EIF4EBP1: variants seen among roughly 807,000 people sequenced by gnomAD.
EIF4EBP1 encodes the protein eukaryotic translation initiation factor 4E binding protein 1.
In EIF4EBP1, 5 loss-of-function variants were observed where a neutral mutation model predicts 9.2. That is an observed-to-expected ratio of 0.54 (90% CI 0.28 to 1.14). EIF4EBP1 has a LOEUF of 1.14. EIF4EBP1 is among the 50% of genes most tolerant of loss of function. The pLI is 0.09. For missense variants in EIF4EBP1, 139 were observed against 169.6 expected, an observed-to-expected ratio of 0.82 and a Z score of 1.00; for synonymous variants, 62 against 67.0, an observed-to-expected ratio of 0.93 and a Z score of 0.36.
intron 1 of EIF4EBP1, among the ~76,000 whole-genome samples, chr8:38,053,540 G>A (rs934655487): frequency 6.6e-6 from 1 of 152,024 alleles, no homozygotes; most frequent in East Asian, 1.9e-4. Flanking sequence ...TGGTAGAGAC[G>A]GGGTTTCACC....
intron 2 of EIF4EBP1, among the ~76,000 whole-genome samples, chr8:38,058,219 G>A (rs186128498): frequency 2.0e-5 from 3 of 152,290 alleles, no homozygotes; most frequent in Admixed American, 2.0e-4. Context: ...AAGAAAAATG[G>A]TTTATTTCTT....
At chr8:38,046,967 C>T (rs1809456130) in intron 1 of EIF4EBP1, among the ~76,000 whole-genome samples, 1 of 152,152 alleles carries the variant, frequency 6.6e-6, no homozygotes, top group Non-Finnish European at 1.5e-5. Context: ...TGCTGGGAGG[C>T]AGGGTTCTGG....
intron 2 of EIF4EBP1, 66 bp downstream of exon 2, chr8:38,057,326 T>A (rs1334397828): frequency 6.6e-7 from 1 of 1,509,096 alleles, no homozygotes; most frequent in Non-Finnish European, 8.9e-7. Context: ...CTGGAGTCCA[T>A]CCACTGGGGG....
rs577960229 is a variant in EIF4EBP1 at position 38,033,623 on chromosome 8, T to C, written c.145+2905T>C. ...ACTGTCAGCTTCTCAGGAAAAACCA[T>C]TGGAGTAAGTACCCCCCAGTCACTC... On this transcript the variant is annotated intron_variant, in intron 1 of 2. Transcript: ENST00000338825. 5.6e-4 allele frequency among the ~76,000 whole-genome samples: 85 copies of C among 152,114 alleles called. 1 individual carries two copies. Among genetic ancestry groups the C allele is most frequent in the South Asian group, 2.1e-3 (10 of 4,806 alleles).
At position 38,060,043 on chromosome 8, in the gene EIF4EBP1, C is replaced by A; in HGVS notation, c.*108C>A. On this transcript the variant is annotated 3_prime_UTR_variant, in exon 3 of 3. Coordinates refer to ENST00000338825, the MANE Select transcript of EIF4EBP1 (RefSeq NM_004095.4). ...AGTGATCATACTGGGCAGGCGTTGG[C>A]GTGGGGTCGGACACCCCAGCCCTTT... is the stretch of plus-strand genomic sequence containing the variant. 4.7e-6 allele frequency: 5 copies of A among 1,065,380 alleles called. No individual in the cohort carries two copies. The highest frequency in any genetic ancestry group is 6.8e-6 in the Non-Finnish European group (5 of 732,922). 66.0% of individuals were successfully genotyped at this position (1,065,380 alleles called of 1,614,324 possible).
chr8:38,046,672 A>G (rs1238416739), intron 1 of EIF4EBP1, among the ~76,000 whole-genome samples: 1 of 152,206 alleles, frequency 6.6e-6, no homozygotes, highest in Non-Finnish European at 1.5e-5. Flanking sequence ...AATCCTATGA[A>G]GTTGGCACTA....
chr8:38,059,822 T>A, intron 2 of EIF4EBP1, 82 bp from the exon 3 acceptor site: 6 of 1,279,122 alleles, frequency 4.7e-6, no homozygotes, highest in Admixed American at 1.9e-5. Context: ...CTCAGGTATT[T>A]CTTTATAGCA....
At position 38,038,375 on chromosome 8, in the gene EIF4EBP1, G is replaced by A. The variant is rs969893844; in HGVS notation, c.145+7657G>A. 5.3e-5 allele frequency among the ~76,000 whole-genome samples: 8 copies of A among 151,068 alleles called. No homozygotes were observed. In the South Asian group the frequency reaches 6.3e-4, roughly 12 times the overall value. ...TACAAAAAATTAGCCAGGTGTGGTGGCACACACCTGTACTCCCAGCTACTC... is the reference window on the plus strand; with the variant it reads ...TACAAAAAATTAGCCAGGTGTGGTGACACACACCTGTACTCCCAGCTACTC... On this transcript the variant is annotated intron_variant, in intron 1 of 2. Coordinates refer to ENST00000338825, the MANE Select transcript of EIF4EBP1 (RefSeq NM_004095.4).
intron 1 of EIF4EBP1, among the ~76,000 whole-genome samples, chr8:38,032,214 G>A (rs185354219): frequency 8.6e-4 from 122 of 142,678 alleles, no homozygotes; most frequent in Admixed American, 3.1e-3. Flanking sequence ...CCAGGATACT[G>A]TTTATAGGCA....
At chr8:38,055,456 C>T (rs1395397302) in intron 1 of EIF4EBP1, among the ~76,000 whole-genome samples, 1 of 152,098 alleles carries the variant, frequency 6.6e-6, no homozygotes, top group African/African-American at 2.4e-5. Context: ...TCCTGAAGTC[C>T]TTAAATCATG....
rs1554545124 is a variant in EIF4EBP1, at chr8:38,036,666, C to CTTCTTTTTTTTTT, written c.145+5949_145+5961dup. On this transcript the variant is annotated intron_variant, in intron 1 of 2. Coordinates refer to ENST00000338825, the MANE Select transcript of EIF4EBP1 (RefSeq NM_004095.4). Reference sequence around the variant, plus strand: ...TTAGGAAGGCACAGCAATATTGTTTCTTCTTTTTTTTTTAATTTGAAACAG... The same window carrying CTTCTTTTTTTTTT: ...TTAGGAAGGCACAGCAATATTGTTTCTTCTTTTTTTTTTTTCTTTTTTTTTTAATTTGAAACAG... 7.8e-3 allele frequency among the ~76,000 whole-genome samples: 1,173 copies of CTTCTTTTTTTTTT among 150,968 alleles called. 10 individuals carry two copies. The highest frequency in any genetic ancestry group is 0.027 in the African/African-American group (1,094 of 40,980).
chr8:38,043,175 A>G (rs1178229787), intron 1 of EIF4EBP1, among the ~76,000 whole-genome samples: 1 of 152,078 alleles, frequency 6.6e-6, no homozygotes, highest in Non-Finnish European at 1.5e-5. Context: ...TTGTAATGGG[A>G]GGCATTTCAG....
chr8:38,043,025 C>T (rs901601097), intron 1 of EIF4EBP1, among the ~76,000 whole-genome samples: 2 of 152,136 alleles, frequency 1.3e-5, no homozygotes, highest in Non-Finnish European at 2.9e-5. Flanking sequence ...TAAGATCATG[C>T]CACTGAACTC....
intron 1 of EIF4EBP1, among the ~76,000 whole-genome samples, chr8:38,044,329 G>A (rs1259373457): frequency 6.6e-6 from 1 of 152,164 alleles, no homozygotes; most frequent in Non-Finnish European, 1.5e-5. Context: ...ATGGGGAAGC[G>A]CTCAAGGCAG....
intron 1 of EIF4EBP1, among the ~76,000 whole-genome samples, chr8:38,032,123 G>C (rs778975661): frequency 6.6e-6 from 1 of 152,086 alleles, no homozygotes; most frequent in Non-Finnish European, 1.5e-5. Flanking sequence ...TTTGTTCAGG[G>C]TGGGCCCTGA....
At chr8:38,049,674 T>G (rs1478854304) in intron 1 of EIF4EBP1, among the ~76,000 whole-genome samples, 5 of 151,258 alleles carry the variant, frequency 3.3e-5, no homozygotes, top group Admixed American at 2.6e-4. Flanking sequence ...TAGAGATGGG[T>G]TTTCACCATG....
chr8:38,048,939 G>A lies in EIF4EBP1; in HGVS notation c.146-8142G>A, dbSNP rs4058286. On this transcript the variant is annotated intron_variant, in intron 1 of 2. Transcript: ENST00000338825. ...AGGTCAGGAATTCAAGACCAGCCTC[G>A]ACATGTAGAAACCCCATCTCTACTA... 7.3e-3 allele frequency among the ~76,000 whole-genome samples: 1,104 copies of A among 151,736 alleles called. 17 individuals are homozygous for A. The highest frequency in any genetic ancestry group is 0.025 in the African/African-American group (1,035 of 41,404).
In EIF4EBP1 at chr8:38,057,063, C is replaced by T. The variant is rs1809605630; in HGVS notation, c.146-18C>T. ...AGAGGCTGCAGATGGCTTGACCAAC[C>T]TCCCTGTTCCCTTCTAGGTACCAGG... is the stretch of plus-strand genomic sequence containing the variant. On this transcript the variant is annotated intron_variant, in intron 1 of 2. Transcript: ENST00000338825. 1 of 1,571,940 alleles carries T rather than the reference C, an allele frequency of 6.4e-7. No individual in the cohort carries two copies. Among genetic ancestry groups the T allele is most frequent in the African/African-American group, 1.5e-5 (1 of 67,200 alleles).
At chr8:38,044,291 A>G (rs963268945) in intron 1 of EIF4EBP1, among the ~76,000 whole-genome samples, 1 of 152,186 alleles carries the variant, frequency 6.6e-6, no homozygotes, top group Non-Finnish European at 1.5e-5. Context: ...AGTCCTATCC[A>G]GCCGCAGAGT....
Sources: gnomAD v4.1 joint callset for allele counts (sites outside exome capture counted in the v4.1 genomes callset) on GRCh38, gnomAD v4.1.1 for gene constraint, MANE v1.5 for transcripts, NCBI Gene and HGNC (gene_info 2026-07-23, HGNC 2026-07-21) for gene names.